CATSPERT: variants seen among roughly 807,000 people sequenced by gnomAD.
The protein encoded by CATSPERT is cation channel sperm-associated targeting subunit tau.
chr2:201,614,526 AC>A, the CATSPERT span, among the ~76,000 whole-genome samples: 3 of 152,342 alleles, frequency 2.0e-5, no homozygotes, highest in South Asian at 6.2e-4. Context: ...TTTTGTCACC[AC>A]CAGGCCTGCA....
the CATSPERT span, among the ~76,000 whole-genome samples, chr2:201,507,181 A>G: frequency 4.6e-5 from 7 of 152,258 alleles, no homozygotes; most frequent in Admixed American, 1.3e-4. Flanking sequence ...GTGAACCAAT[A>G]TAAAATCAAC....
At chr2:201,492,238 A>G in the CATSPERT span, 1 of 1,518,994 alleles carries the variant, frequency 6.6e-7, no homozygotes, top group Non-Finnish European at 8.8e-7. Context: ...TCTAAAAGGT[A>G]AATGTGTTTT....
chr2:201,612,917 T>C, the CATSPERT span, among the ~76,000 whole-genome samples: 1 of 152,104 alleles, frequency 6.6e-6, no homozygotes, highest in Non-Finnish European at 1.5e-5. Context: ...CATGCCTGGC[T>C]TGGAAGGTCC....
the CATSPERT span, among the ~76,000 whole-genome samples, chr2:201,530,612 A>G: frequency 6.6e-6 from 1 of 152,210 alleles, no homozygotes; most frequent in Non-Finnish European, 1.5e-5. Flanking sequence ...TGGCTTAAAG[A>G]GGGCAGTTAA....
chr2:201,614,322 A>G, the CATSPERT span, among the ~76,000 whole-genome samples: 7 of 152,226 alleles, frequency 4.6e-5, no homozygotes, highest in East Asian at 1.9e-4. Flanking sequence ...AGGTCGGGTT[A>G]CCCACAAAGG....
the CATSPERT span, among the ~76,000 whole-genome samples, chr2:201,513,109 A>T: frequency 6.6e-6 from 1 of 151,382 alleles, no homozygotes; most frequent in Non-Finnish European, 1.5e-5. Flanking sequence ...AAAGAAAAAT[A>T]AAAAAATAAA....
At chr2:201,615,197 C>A in the CATSPERT span, among the ~76,000 whole-genome samples, 1 of 152,130 alleles carries the variant, frequency 6.6e-6, no homozygotes, top group African/African-American at 2.4e-5. Flanking sequence ...AGCTCTGCAC[C>A]AAGCAGACCT....
At chr2:201,539,369 T>G in the CATSPERT span, among the ~76,000 whole-genome samples, 9 of 152,314 alleles carry the variant, frequency 5.9e-5, no homozygotes, top group African/African-American at 2.2e-4. Context: ...CTGACTGGTG[T>G]GAGATGGTAT....
chr2:201,583,170 C>T, the CATSPERT span, among the ~76,000 whole-genome samples: 1 of 152,218 alleles, frequency 6.6e-6, no homozygotes, highest in Non-Finnish European at 1.5e-5. Flanking sequence ...TACATTTGCC[C>T]TCAGGGCACT....
the CATSPERT span, among the ~76,000 whole-genome samples, chr2:201,594,181 CA>C: frequency 6.6e-6 from 1 of 152,138 alleles, no homozygotes; most frequent in Non-Finnish European, 1.5e-5. Flanking sequence ...CTGGTGGTGA[CA>C]AAATCTCTCA....
At chr2:201,500,236 C>T in the CATSPERT span, among the ~76,000 whole-genome samples, 6 of 151,874 alleles carry the variant, frequency 4.0e-5, no homozygotes, top group Non-Finnish European at 8.8e-5. Context: ...GGCCGACAGT[C>T]AGGTGCAGTG....
chr2:201,580,329 C>T, the CATSPERT span, among the ~76,000 whole-genome samples: 14 of 152,276 alleles, frequency 9.2e-5, no homozygotes, highest in Admixed American at 6.5e-4. Context: ...GCTGTTACTA[C>T]GGCACCATGC....
the CATSPERT span, chr2:201,571,867 G>A: frequency 1.5e-6 from 2 of 1,364,860 alleles, no homozygotes; most frequent in Non-Finnish European, 1.0e-6. Context: ...CCACCAAAAT[G>A]CTCCACCAAA....
the CATSPERT span, chr2:201,534,856 T>G: frequency 1.3e-6 from 1 of 744,940 alleles, no homozygotes; most frequent in Middle Eastern, 7.0e-4. Flanking sequence ...TTTGAGGATA[T>G]TCTACATCTT....
At chr2:201,609,866 C>A in the CATSPERT span, among the ~76,000 whole-genome samples, 1 of 149,924 alleles carries the variant, frequency 6.7e-6, no homozygotes, top group Non-Finnish European at 1.5e-5. Flanking sequence ...GAAATAGAAC[C>A]TTTAAAAAGT....
chr2:201,487,423 T>A, the CATSPERT span: 1 of 593,372 alleles, frequency 1.7e-6, no homozygotes, highest in Non-Finnish European at 2.9e-6. Context: ...ACATCAAATG[T>A]GTTTGTTTTT....
At chr2:201,502,059 A>T in the CATSPERT span, among the ~76,000 whole-genome samples, 5 of 152,170 alleles carry the variant, frequency 3.3e-5, no homozygotes, top group African/African-American at 1.2e-4. Flanking sequence ...ATAATTTGCA[A>T]ATAAAACTAT....
chr2:201,613,139 A>C, the CATSPERT span, among the ~76,000 whole-genome samples: 1 of 152,226 alleles, frequency 6.6e-6, no homozygotes, highest in Non-Finnish European at 1.5e-5. Context: ...GGCATAGCTG[A>C]ACAAAAGGCA....
chr2:201,540,979 C>T, the CATSPERT span, among the ~76,000 whole-genome samples: 9 of 152,246 alleles, frequency 5.9e-5, no homozygotes, highest in African/African-American at 2.2e-4. Flanking sequence ...TTGATTACAA[C>T]CCTCATGGAT....
Sources: gnomAD v4.1 joint callset for allele counts (sites outside exome capture counted in the v4.1 genomes callset) on GRCh38, gnomAD v4.1.1 for gene constraint, MANE v1.5 for transcripts, NCBI Gene and HGNC (gene_info 2026-07-23, HGNC 2026-07-21) for gene names.